Variants in PCDH9 observed in about 807,000 individuals in gnomAD.
PCDH9 encodes protocadherin-9.
A neutral mutation model predicts 70.6 loss-of-function variants in PCDH9; 24 were observed. That is an observed-to-expected ratio of 0.34 (90% CI 0.25 to 0.48). The LOEUF is 0.48. PCDH9 is among the 20% of genes least tolerant of loss of function. PCDH9 has a pLI of 0.99. For synonymous variants in PCDH9, 562 were observed against 558.5 expected (o/e 1.01, Z -0.09); for missense variants, 1,281 against 1,503.6 (o/e 0.85, Z 2.45).
intron 3 of PCDH9, among the ~76,000 whole-genome samples, chr13:66,713,623 G>GTATCTATATATA (rs762817724): frequency 1.1e-5 from 1 of 93,032 alleles, no homozygotes; most frequent in Non-Finnish European, 2.1e-5. Context: ...GTGTGTGTGT[G>GTATCTATATATA]TGTATATATA....
intron 3 of PCDH9, among the ~76,000 whole-genome samples, chr13:66,717,518 T>C (rs1327598254): frequency 7.7e-6 from 1 of 129,042 alleles, no homozygotes; most frequent in East Asian, 2.3e-4. Context: ...TGTATATATG[T>C]ATAGGCTACA....
chr13:66,826,965 A>T (rs1274590301), intron 3 of PCDH9, among the ~76,000 whole-genome samples: 2 of 152,206 alleles, frequency 1.3e-5, no homozygotes, highest in Non-Finnish European at 2.9e-5. Flanking sequence ...ATATGACAAA[A>T]GGGACTTTGT....
intron 4 of PCDH9, among the ~76,000 whole-genome samples, chr13:66,442,153 A>G (rs1957986421): frequency 6.6e-6 from 1 of 152,196 alleles, no homozygotes; most frequent in Non-Finnish European, 1.5e-5. Flanking sequence ...ATGGCTGTAC[A>G]AAAACTGGCT....
intron 4 of PCDH9, among the ~76,000 whole-genome samples, chr13:66,593,894 T>C (rs2077068750): frequency 6.6e-6 from 1 of 151,434 alleles, no homozygotes; most frequent in Non-Finnish European, 1.5e-5. Context: ...ATAGTACTCA[T>C]CAGAATTTGG....
chr13:66,360,069 G>T (rs1262695065), intron 4 of PCDH9, among the ~76,000 whole-genome samples: 1 of 152,052 alleles, frequency 6.6e-6, no homozygotes, highest in Non-Finnish European at 1.5e-5. Context: ...GGGAGATGTT[G>T]GCAGTAGGTA....
chr13:67,154,722 T>C (rs1346767018), intron 2 of PCDH9, among the ~76,000 whole-genome samples: 1 of 138,638 alleles, frequency 7.2e-6, no homozygotes, highest in Non-Finnish European at 1.6e-5. Flanking sequence ...TTTTTTTTTT[T>C]GAGACAGAGT....
chr13:66,505,687 GACTT>G (rs2138571273), intron 4 of PCDH9, among the ~76,000 whole-genome samples: 1 of 152,184 alleles, frequency 6.6e-6, no homozygotes, highest in African/African-American at 2.4e-5. Context: ...GATCTCATGA[GACTT>G]ACTCACTATC....
At chr13:66,482,911 G>T (rs7336634) in intron 4 of PCDH9, among the ~76,000 whole-genome samples, 2,119 of 152,158 alleles carry the variant, frequency 0.014, 54 homozygotes, top group African/African-American at 0.048. Flanking sequence ...AGAACAAATG[G>T]TTCTGTGGTA....
intron 3 of PCDH9, among the ~76,000 whole-genome samples, chr13:66,642,277 T>C (rs2077718700): frequency 6.6e-6 from 1 of 152,064 alleles, no homozygotes; most frequent in Non-Finnish European, 1.5e-5. Flanking sequence ...TCAGAAAGCC[T>C]AAATTAATGA....
chr13:66,900,142 A>T (rs983345317), intron 3 of PCDH9, among the ~76,000 whole-genome samples: 1 of 151,850 alleles, frequency 6.6e-6, no homozygotes, highest in African/African-American at 2.4e-5. Flanking sequence ...GTTTGCTGTT[A>T]CTTAGATAAT....
intron 2 of PCDH9, among the ~76,000 whole-genome samples, chr13:66,942,438 A>G (rs953412754): frequency 2.0e-5 from 3 of 151,914 alleles, no homozygotes; most frequent in Non-Finnish European, 4.4e-5. Flanking sequence ...ACCTCTACCC[A>G]TGTTGATCAA....
intron 4 of PCDH9, among the ~76,000 whole-genome samples, chr13:66,364,134 G>A (rs899159527): frequency 1.3e-5 from 2 of 151,662 alleles, no homozygotes; most frequent in African/African-American, 2.4e-5. Flanking sequence ...CAGCATGAGC[G>A]ACAAGAGCAA....
intron 4 of PCDH9, among the ~76,000 whole-genome samples, chr13:66,386,925 T>G (rs1212655129): frequency 6.6e-6 from 1 of 152,180 alleles, no homozygotes; most frequent in Non-Finnish European, 1.5e-5. Flanking sequence ...ATACTTGTAT[T>G]TTAAAATAAT....
intron 3 of PCDH9, among the ~76,000 whole-genome samples, chr13:66,642,473 CT>C (rs2077721249): frequency 6.6e-6 from 1 of 151,938 alleles, no homozygotes; most frequent in African/African-American, 2.4e-5. Context: ...TAACAGAAAT[CT>C]TATAAAGTAT....
chr13:67,128,731 C>A (rs1290461187), intron 2 of PCDH9, among the ~76,000 whole-genome samples: 1 of 152,178 alleles, frequency 6.6e-6, no homozygotes, highest in Non-Finnish European at 1.5e-5. Context: ...GATAGTGTTA[C>A]ATCTATTTCC....
chr13:66,728,959 T>C (rs1420528643), intron 3 of PCDH9, among the ~76,000 whole-genome samples: 4 of 152,122 alleles, frequency 2.6e-5, no homozygotes, highest in Non-Finnish European at 5.9e-5. Context: ...GTTTTTTTCT[T>C]CTTGTAATAA....
At chr13:66,879,550 T>C (rs1043935807) in intron 3 of PCDH9, among the ~76,000 whole-genome samples, 2 of 152,140 alleles carry the variant, frequency 1.3e-5, no homozygotes, top group African/African-American at 4.8e-5. Context: ...ATGATAGCTT[T>C]GGAAAAGAAA....
At chr13:66,503,978 G>T (rs139175385) in intron 4 of PCDH9, among the ~76,000 whole-genome samples, 5 of 152,122 alleles carry the variant, frequency 3.3e-5, no homozygotes, top group African/African-American at 1.2e-4. Context: ...AGGCTGTGTC[G>T]TAACTACGTG....
intron 4 of PCDH9, among the ~76,000 whole-genome samples, chr13:66,499,140 C>CTAT (rs1959162518): frequency 1.3e-5 from 2 of 151,792 alleles, no homozygotes; most frequent in South Asian, 4.2e-4. Flanking sequence ...TCCTTATACC[C>CTAT]TATGTATTTT....
Sources: allele counts gnomAD v4.1 joint callset (sites outside exome capture counted in the v4.1 genomes callset), GRCh38; gene constraint gnomAD v4.1.1; transcripts MANE v1.5; gene names NCBI Gene and HGNC (gene_info 2026-07-23, HGNC 2026-07-21).